The following CCDC171 variants were observed in gnomAD, a reference collection of about 807,000 sequenced individuals.
CCDC171 encodes coiled-coil domain-containing protein 171.
Under a neutral mutation model 168.2 loss-of-function variants are expected in CCDC171, and 177 were observed. The observed-to-expected ratio is 1.05, with a 90% CI of 0.93 to 1.19. The LOEUF (loss-of-function observed/expected upper bound fraction) is 1.19, where lower values mean the gene tolerates loss of function less well. Among genes scored for constraint, CCDC171 ranks in the 50% most tolerant of loss-of-function variants. CCDC171 has a pLI of 0.00. For missense variants in CCDC171, 1,991 were observed against 1,539.0 expected, an observed-to-expected ratio of 1.29 and a Z score of -4.91; for synonymous variants, 687 against 540.8, an observed-to-expected ratio of 1.27 and a Z score of -3.75.
At chr9:16,034,083 T>C (rs1833418264) in intron 6 of CCDC171, among the ~76,000 whole-genome samples, 1 of 152,224 alleles carries the variant, frequency 6.6e-6, no homozygotes, top group Non-Finnish European at 1.5e-5. Context: ...TTTTCAGGAA[T>C]GCTGAAAGAG....
intron 7 of CCDC171, among the ~76,000 whole-genome samples, chr9:15,628,547 CA>C (rs1317678302): frequency 6.6e-6 from 1 of 152,228 alleles, no homozygotes; most frequent in Non-Finnish European, 1.5e-5. Flanking sequence ...GGGTGGAGCC[CA>C]CCACAGCTCA....
At position 15,678,778 on chromosome 9, in the gene CCDC171, C is replaced by T. The variant is rs752893392; in HGVS notation, c.1097C>T (p.Ser366Phe). 6.3e-7 allele frequency: 1 copy of T among 1,584,286 alleles called. No individual in the cohort carries two copies. The change falls in exon 10 of 26, where the codon TCC (serine) becomes TTC (phenylalanine). Residue 366 changes from serine (S) to phenylalanine (F), a missense_variant. By Grantham distance (155) the Ser-to-Phe change is radical. Transcript: ENST00000380701. The part of the protein sequence containing the change: ...KLNLLEKEYF[S>F]KNKKLNEDIE... ...TTCAGATTAGAAAAAGAGTATTTCTCCAAAAATAAGAAACTAAATGAAGAC... is the reference window on the plus strand; with the variant it reads ...TTCAGATTAGAAAAAGAGTATTTCTTCAAAAATAAGAAACTAAATGAAGAC...
At chr9:15,820,305 T>A (rs2059717475) in intron 21 of CCDC171, among the ~76,000 whole-genome samples, 1 of 115,060 alleles carries the variant, frequency 8.7e-6, no homozygotes, top group African/African-American at 3.3e-5. Context: ...GCAAACACAT[T>A]CAAAAGCTAG....
chr9:15,608,197 G>T (rs552500163), intron 6 of CCDC171, among the ~76,000 whole-genome samples: 2 of 152,226 alleles, frequency 1.3e-5, no homozygotes, highest in African/African-American at 4.8e-5. Context: ...TCATGACCCA[G>T]TCCTCTCTTA....
At chr9:15,948,903 T>C (rs1828757442) in intron 25 of CCDC171, among the ~76,000 whole-genome samples, 1 of 152,268 alleles carries the variant, frequency 6.6e-6, no homozygotes, top group Non-Finnish European at 1.5e-5. Context: ...TGCCCATGCC[T>C]ATGTCCTGAA....
intron 6 of CCDC171, among the ~76,000 whole-genome samples, chr9:16,033,172 A>G (rs192979544): frequency 6.6e-6 from 1 of 152,356 alleles, no homozygotes; most frequent in Admixed American, 6.5e-5. Context: ...CCACAGAGTC[A>G]TGGAAGCAAG....
chr9:15,603,552 G>T (rs2043013495), intron 6 of CCDC171, among the ~76,000 whole-genome samples: 1 of 152,110 alleles, frequency 6.6e-6, no homozygotes, highest in Non-Finnish European at 1.5e-5. Context: ...ATGGCTTCCA[G>T]CTCTATCCAT....
At chr9:15,789,325 A>G (rs569938304) in intron 21 of CCDC171, among the ~76,000 whole-genome samples, 2 of 152,180 alleles carry the variant, frequency 1.3e-5, no homozygotes, top group Admixed American at 1.3e-4. Flanking sequence ...GGTCCTGAGC[A>G]TTTTACATAA....
At position 16,052,203 on chromosome 9, in the gene CCDC171, C is replaced by T. The variant is rs147794512; in HGVS notation, n.90-8443C>T. On this transcript the variant is annotated intron_variant and non_coding_transcript_variant, in intron 1 of 1. Transcript: ENST00000478913. ...CTCTCCATCCTTCTGAATTCTTTGT[C>T]TCAGTCCAAGTACTGGAAGGAGGGA... Among the ~76,000 whole-genome samples, 11 of 152,274 alleles carry T rather than the reference C, an allele frequency of 7.2e-5. No individual in the cohort carries two copies. The East Asian group carries it at 1.7e-3, about 24-fold the overall frequency.
At chr9:15,954,844 T>G (rs995200204) in intron 25 of CCDC171, among the ~76,000 whole-genome samples, 5 of 152,134 alleles carry the variant, frequency 3.3e-5, no homozygotes, top group African/African-American at 4.8e-5. Flanking sequence ...CTTGATTTTC[T>G]TCACATCTTT....
At chr9:15,732,144 C>T (rs755758570) in intron 16 of CCDC171, among the ~76,000 whole-genome samples, 1 of 151,838 alleles carries the variant, frequency 6.6e-6, no homozygotes, top group Non-Finnish European at 1.5e-5. Flanking sequence ...CTCTTGCTTG[C>T]CTTTTCAGTG....
At chr9:16,017,305 C>CAA (rs35127195) in intron 3 of CCDC171, among the ~76,000 whole-genome samples, 1 of 151,594 alleles carries the variant, frequency 6.6e-6, no homozygotes, top group Non-Finnish European at 1.5e-5. Flanking sequence ...TCAAACTGCA[C>CAA]AAAAAAATAC....
chr9:15,929,424 A>G (rs1826249028), intron 25 of CCDC171, among the ~76,000 whole-genome samples: 1 of 151,708 alleles, frequency 6.6e-6, no homozygotes, highest in East Asian at 1.9e-4. Flanking sequence ...TGAGGTCCCA[A>G]ACTGAACACT....
chr9:15,703,016 G>A (rs777428195), intron 11 of CCDC171, among the ~76,000 whole-genome samples: 4 of 151,594 alleles, frequency 2.6e-5, no homozygotes, highest in Non-Finnish European at 5.9e-5. Context: ...CGATTCTCCT[G>A]CCTCAGCCAC....
At chr9:15,871,930 G>A (rs192681638) in intron 23 of CCDC171, among the ~76,000 whole-genome samples, 131 of 151,842 alleles carry the variant, frequency 8.6e-4, no homozygotes, top group Non-Finnish European at 1.5e-3. Flanking sequence ...ATAAAATTAT[G>A]GATAATTCTT....
intron 4 of CCDC171, among the ~76,000 whole-genome samples, chr9:15,589,280 T>C (rs1231780248): frequency 6.6e-6 from 1 of 152,184 alleles, no homozygotes; most frequent in Non-Finnish European, 1.5e-5. Flanking sequence ...CAGCATAGAC[T>C]TAACTCCCTT....
chr9:15,574,467 C>T (rs1409183597), intron 3 of CCDC171, among the ~76,000 whole-genome samples: 19 of 151,910 alleles, frequency 1.3e-4, no homozygotes, highest in Admixed American at 1.2e-3. Flanking sequence ...TTAGTGGAGA[C>T]GGAGTTTTAC....
At chr9:15,559,242 G>A (rs199701321) in intron 1 of CCDC171, among the ~76,000 whole-genome samples, 8 of 151,646 alleles carry the variant, frequency 5.3e-5, no homozygotes, top group Admixed American at 6.6e-5. Flanking sequence ...GTAGATGTCT[G>A]TTAGGTCTGC....
At chr9:16,077,706 A>G in the CCDC171 span, among the ~76,000 whole-genome samples, 1 of 152,132 alleles carries the variant, frequency 6.6e-6, no homozygotes, top group African/African-American at 2.4e-5. Flanking sequence ...AGAGGGGAAA[A>G]AAAGCCTTTT....
Sources: allele counts gnomAD v4.1 joint callset (sites outside exome capture counted in the v4.1 genomes callset), GRCh38; gene constraint gnomAD v4.1.1; transcripts MANE v1.5; gene names NCBI Gene and HGNC (gene_info 2026-07-23, HGNC 2026-07-21).